The following ADAMTS6 variants were observed in gnomAD, a reference collection of about 807,000 sequenced individuals.
The protein encoded by ADAMTS6 is A disintegrin and metalloproteinase with thrombospondin motifs 6.
In ADAMTS6, 23 loss-of-function variants were observed where a neutral mutation model predicts 144.3. That is an observed-to-expected ratio of 0.16 (90% CI 0.11 to 0.23). The LOEUF (loss-of-function observed/expected upper bound fraction) is 0.23. Ranked by LOEUF, ADAMTS6 falls within the 10% of genes least tolerant of loss-of-function variation. The pLI, the probability that ADAMTS6 is intolerant of heterozygous loss-of-function variation, is 1.00. For synonymous variants in ADAMTS6, 444 were observed against 457.5 expected (o/e 0.97, Z 0.38); for missense variants, 999 against 1,379.6 (o/e 0.72, Z 4.37).
chr5:65,156,281 T>C (rs1752410275), intron 24 of ADAMTS6, among the ~76,000 whole-genome samples: 1 of 151,554 alleles, frequency 6.6e-6, no homozygotes, highest in African/African-American at 2.4e-5. Flanking sequence ...CCTTGAGCAG[T>C]ACAACTTACT....
chr5:65,170,008 C>T (rs1433559003), intron 24 of ADAMTS6, among the ~76,000 whole-genome samples: 1 of 151,878 alleles, frequency 6.6e-6, no homozygotes, highest in Non-Finnish European at 1.5e-5. Context: ...GCACAATGTG[C>T]ACATGTACCC....
intron 7 of ADAMTS6, among the ~76,000 whole-genome samples, chr5:65,423,661 T>C (rs1756261402): frequency 6.6e-6 from 1 of 152,038 alleles, no homozygotes; most frequent in Non-Finnish European, 1.5e-5. Flanking sequence ...GTAAAACTAA[T>C]CTCAAATTCA....
At chr5:65,164,414 A>G (rs1753014154) in intron 24 of ADAMTS6, among the ~76,000 whole-genome samples, 1 of 150,500 alleles carries the variant, frequency 6.6e-6, no homozygotes, top group African/African-American at 2.5e-5. Context: ...CTAGCACAGC[A>G]GTCTGAGATC....
intron 11 of ADAMTS6, among the ~76,000 whole-genome samples, chr5:65,289,328 A>G (rs923645805): frequency 6.6e-6 from 1 of 152,222 alleles, no homozygotes; most frequent in African/African-American, 2.4e-5. Context: ...TGAGGTCAGG[A>G]GTTCAAGACC....
chr5:65,416,964 G>A (rs2150192183), intron 7 of ADAMTS6, among the ~76,000 whole-genome samples: 2 of 151,900 alleles, frequency 1.3e-5, no homozygotes, highest in South Asian at 4.2e-4. Flanking sequence ...ATTAACACAG[G>A]AGCAAAAATC....
rs1201974304 is a variant in ADAMTS6 at position 65,406,977 on chromosome 5, G to C, written c.1073+44498C>G. Among the ~76,000 whole-genome samples the C allele has an allele frequency of 5.3e-5, 8 of 152,218 alleles. No homozygotes were observed. In the East Asian group the frequency reaches 1.4e-3, roughly 26 times the overall value. ...ACAGACAAAGCCTCCAAGAAATATG[G>C]GACTATGTGAAAAGACCAAATCTAC... On this transcript the variant is annotated intron_variant, in intron 7 of 24. Transcript: ENST00000381055.
chr5:65,468,681 A>G (rs994175937), intron 3 of ADAMTS6, among the ~76,000 whole-genome samples: 1 of 152,214 alleles, frequency 6.6e-6, no homozygotes, highest in Non-Finnish European at 1.5e-5. Context: ...GGGAAAGAGA[A>G]CAAGAGACAG....
intron 7 of ADAMTS6, among the ~76,000 whole-genome samples, chr5:65,434,572 G>A (rs1757243235): frequency 6.6e-6 from 1 of 152,100 alleles, no homozygotes; most frequent in Non-Finnish European, 1.5e-5. Context: ...AAAGCTAGAA[G>A]ACAATGACAA....
chr5:65,361,006 T>C (rs893869731), intron 7 of ADAMTS6, among the ~76,000 whole-genome samples: 6 of 152,290 alleles, frequency 3.9e-5, no homozygotes, highest in African/African-American at 1.4e-4. Flanking sequence ...TAGTGAATCC[T>C]GTGGATCCTC....
chr5:65,344,936 G>A (rs1162950114), intron 7 of ADAMTS6, among the ~76,000 whole-genome samples: 1 of 151,774 alleles, frequency 6.6e-6, no homozygotes, highest in Non-Finnish European at 1.5e-5. Context: ...TGAAGGAAAT[G>A]TTTCCTAACT....
chr5:65,226,593 AT>A (rs1352983531), intron 15 of ADAMTS6, among the ~76,000 whole-genome samples: 63 of 150,162 alleles, frequency 4.2e-4, no homozygotes, highest in Middle Eastern at 6.8e-3. Context: ...AAGAAAAACA[AT>A]TTTTTTTTTG....
At chr5:65,469,194 T>G (rs1427304280) in intron 3 of ADAMTS6, among the ~76,000 whole-genome samples, 6 of 152,202 alleles carry the variant, frequency 3.9e-5, no homozygotes, top group Non-Finnish European at 8.8e-5. Context: ...TATTTTAAAT[T>G]TTGTCCCTAA....
intron 7 of ADAMTS6, among the ~76,000 whole-genome samples, chr5:65,384,668 G>C (rs915751815): frequency 3.3e-5 from 5 of 152,066 alleles, no homozygotes; most frequent in African/African-American, 1.2e-4. Context: ...CTGAGCACTT[G>C]CCAGAATTGT....
chr5:65,479,713 T>C (rs1193645904), intron 1 of ADAMTS6, among the ~76,000 whole-genome samples: 3 of 152,214 alleles, frequency 2.0e-5, no homozygotes, highest in Admixed American at 2.0e-4. Context: ...TACTAGTGAT[T>C]ACTAAGGAAA....
chr5:65,282,253 T>C (rs1763042220), intron 11 of ADAMTS6, among the ~76,000 whole-genome samples: 1 of 151,818 alleles, frequency 6.6e-6, no homozygotes, highest in Non-Finnish European at 1.5e-5. Flanking sequence ...TTTTAAGGGG[T>C]GGGGAGTTCC....
chr5:65,286,539 A>G (rs1316193843), intron 11 of ADAMTS6, among the ~76,000 whole-genome samples: 5 of 152,244 alleles, frequency 3.3e-5, no homozygotes, highest in African/African-American at 4.8e-5. Flanking sequence ...AAAATTTCCC[A>G]TAAATAAACA....
At chr5:65,159,598 C>T (rs1369783687) in intron 24 of ADAMTS6, among the ~76,000 whole-genome samples, 2 of 152,218 alleles carry the variant, frequency 1.3e-5, no homozygotes, top group South Asian at 2.1e-4. Context: ...CTCTGTGATG[C>T]TTCTGCTGAT....
At chr5:65,469,825 T>A (rs1481621228) in intron 3 of ADAMTS6, among the ~76,000 whole-genome samples, 1 of 152,228 alleles carries the variant, frequency 6.6e-6, no homozygotes, top group Non-Finnish European at 1.5e-5. Context: ...AATATGGGTA[T>A]GTTATAATAA....
intron 24 of ADAMTS6, among the ~76,000 whole-genome samples, chr5:65,169,804 C>T (rs999042709): frequency 1.5e-4 from 22 of 149,240 alleles, no homozygotes; most frequent in African/African-American, 4.9e-4. Flanking sequence ...CCAAACACTG[C>T]ATATTCTCAC....
Sources: allele counts gnomAD v4.1 joint callset (sites outside exome capture counted in the v4.1 genomes callset), GRCh38; gene constraint gnomAD v4.1.1; transcripts MANE v1.5; gene names NCBI Gene and HGNC (gene_info 2026-07-23, HGNC 2026-07-21).